The following ZCWPW2 variants were observed in gnomAD, a reference collection of about 807,000 sequenced individuals.
ZCWPW2 encodes zinc finger CW-type and PWWP domain containing 2.
ZCWPW2 carries 45 observed loss-of-function variants against 46.6 expected under a neutral mutation model. That is an observed-to-expected ratio of 0.96 (90% CI 0.76 to 1.24). The LOEUF is 1.24. Among genes scored for constraint, ZCWPW2 ranks in the 50% most tolerant of loss-of-function variants. The pLI is 0.00. For synonymous variants in ZCWPW2, 152 were observed against 137.1 expected (o/e 1.11, Z -0.76); for missense variants, 429 against 403.9 (o/e 1.06, Z -0.53).
At chr3:28,460,574 T>C (rs1385180691) in intron 4 of ZCWPW2, among the ~76,000 whole-genome samples, 1 of 152,192 alleles carries the variant, frequency 6.6e-6, no homozygotes, top group Non-Finnish European at 1.5e-5. Context: ...ACTAAATCTA[T>C]GGATTCTCTG....
chr3:28,488,670 T>C (rs889530388), intron 5 of ZCWPW2, among the ~76,000 whole-genome samples: 3 of 152,172 alleles, frequency 2.0e-5, no homozygotes, highest in African/African-American at 2.4e-5. Context: ...ATTTAGAACA[T>C]TTTCATTTAC....
Position 28,501,788 on chromosome 3 carries a change from G to A in ZCWPW2, c.657+9615G>A, listed in dbSNP as rs543743003. On this transcript the variant is annotated intron_variant, in intron 6 of 9. Coordinates refer to ENST00000383768, the MANE Select transcript of ZCWPW2 (RefSeq NM_001040432.4). Reference sequence around the variant, plus strand: ...TTTCTTTTTTTGAGACAAGGCTGTCGCCCAGGCTGGCATACACTGGCGTGA... The same window carrying A: ...TTTCTTTTTTTGAGACAAGGCTGTCACCCAGGCTGGCATACACTGGCGTGA... Among the ~76,000 whole-genome samples, 7 of 151,962 alleles carry A rather than the reference G, an allele frequency of 4.6e-5. No individual in the cohort carries two copies. In the East Asian group the frequency reaches 1.2e-3, roughly 25 times the overall value.
At chr3:28,370,594 A>T (rs979759571) in intron 1 of ZCWPW2, among the ~76,000 whole-genome samples, 1 of 152,202 alleles carries the variant, frequency 6.6e-6, no homozygotes, top group Admixed American at 6.5e-5. Context: ...GAGAGGTTAT[A>T]AGATATCTAA....
intron 1 of ZCWPW2, among the ~76,000 whole-genome samples, chr3:28,364,937 A>G (rs1256838594): frequency 2.0e-5 from 3 of 151,838 alleles, no homozygotes; most frequent in Admixed American, 6.6e-5. Context: ...GCATTTTTTC[A>G]TGTGTCTTTT....
chr3:28,439,138 A>G (rs1217440816), intron 4 of ZCWPW2, among the ~76,000 whole-genome samples: 1 of 135,960 alleles, frequency 7.4e-6, no homozygotes, highest in Non-Finnish European at 1.6e-5. Flanking sequence ...CACACATCAT[A>G]GGATGTGTAT....
At position 28,435,130 on chromosome 3, in the gene ZCWPW2, C is replaced by T; in HGVS notation, c.353C>T (p.Pro118Leu). ...NWPSWPGILC[P>L]DRFKGKYVTY... ...GAAAGTTGGCCAGGAATACTTTGCC[C>T]TGACCGTTTTAAAGGGAAATATGTA... Residue 118 changes from proline (P) to leucine (L), a missense_variant, in exon 4 of 10, where the codon CCT becomes CTT. Physicochemically the swap from Pro to Leu is moderately conservative, Grantham distance 98. Transcript: ENST00000383768. 1 of 1,611,352 alleles carries T rather than the reference C, an allele frequency of 6.2e-7. No homozygotes were observed.
At chr3:28,361,338 A>G (rs571814540) in intron 1 of ZCWPW2, among the ~76,000 whole-genome samples, 1 of 152,374 alleles carries the variant, frequency 6.6e-6, no homozygotes, top group Admixed American at 6.5e-5. Context: ...CGAAAGAATG[A>G]AATTGGACCT....
At chr3:28,420,062 C>T (rs1417194872) in intron 3 of ZCWPW2, among the ~76,000 whole-genome samples, 1 of 145,610 alleles carries the variant, frequency 6.9e-6, no homozygotes, top group African/African-American at 2.5e-5. Flanking sequence ...TACCCTAATA[C>T]CGAAAGTATA....
At chr3:28,453,503 T>G (rs985082451) in intron 4 of ZCWPW2, among the ~76,000 whole-genome samples, 5 of 152,200 alleles carry the variant, frequency 3.3e-5, no homozygotes, top group African/African-American at 9.7e-5. Context: ...ACAGCAATAT[T>G]CTTTTCTAAG....
rs141367819 is a variant in ZCWPW2 at position 28,390,539 on chromosome 3, C to A, written c.-92C>A. The A allele has an allele frequency of 4.1e-6, 4 of 985,160 alleles. No individual in the cohort carries two copies. Among genetic ancestry groups the A allele is most frequent in the Admixed American group, 1.2e-4 (2 of 16,246 alleles). 61.0% of individuals were successfully genotyped at this position (985,160 alleles called of 1,614,324 possible). ...CGCCTGCCTCTTTAGTGACTACAGA[C>A]CTCACTTCCCTTCTCTGGAGTTTTG... is the stretch of plus-strand genomic sequence containing the variant. On this transcript the variant is annotated 5_prime_UTR_variant, in exon 2 of 10. Coordinates refer to ENST00000383768, the MANE Select transcript of ZCWPW2 (RefSeq NM_001040432.4).
At position 28,492,116 on chromosome 3, in the gene ZCWPW2, T is replaced by C. The variant is rs1699832392; in HGVS notation, c.611-11T>C. On this transcript the variant is annotated splice_polypyrimidine_tract_variant and intron_variant, in intron 5 of 9. Coordinates refer to ENST00000383768, the MANE Select transcript of ZCWPW2 (RefSeq NM_001040432.4). ...ACTTTTTTGAAGCAGCCATGTTTCA[T>C]TGTCTTACAGATAAATCCGAAACAC... is the stretch of plus-strand genomic sequence containing the variant. 1.2e-6 allele frequency: 2 copies of C among 1,608,942 alleles called. No individual in the cohort carries two copies. Among genetic ancestry groups the C allele is most frequent in the Admixed American group, 1.7e-5 (1 of 59,244 alleles).
chr3:28,496,276 T>C (rs1396141726), intron 6 of ZCWPW2, among the ~76,000 whole-genome samples: 1 of 151,992 alleles, frequency 6.6e-6, no homozygotes, highest in Non-Finnish European at 1.5e-5. Context: ...CTTACTAAAT[T>C]AATAGAGATA....
chr3:28,428,437 T>G (rs532072731), intron 3 of ZCWPW2: 1 of 152,294 alleles, frequency 6.6e-6, no homozygotes, highest in East Asian at 1.9e-4. Context: ...ACTGAACATC[T>G]ACTTCATTCT....
At chr3:28,383,630 G>C (rs1304141922) in intron 1 of ZCWPW2, among the ~76,000 whole-genome samples, 1 of 151,952 alleles carries the variant, frequency 6.6e-6, no homozygotes, top group East Asian at 1.9e-4. Context: ...GAGTGGGCTG[G>C]ATTTTGGGTG....
intron 1 of ZCWPW2, among the ~76,000 whole-genome samples, chr3:28,375,384 G>C (rs572439931): frequency 2.0e-4 from 30 of 152,014 alleles, no homozygotes; most frequent in Middle Eastern, 3.4e-3. Flanking sequence ...CTGCCATTTT[G>C]TTGCTTGTTT....
In ZCWPW2 at chr3:28,413,410, G is replaced by A. The variant is rs367885623; in HGVS notation, c.332+10G>A. ...TACAGAATTGGCCAAGGTAAGGTTT[G>A]TGTAGTTTTATGACTTTTGAAATGT... On this transcript the variant is annotated intron_variant, in intron 3 of 9. Coordinates refer to ENST00000383768, the MANE Select transcript of ZCWPW2 (RefSeq NM_001040432.4). 1 of 1,588,508 alleles carries A rather than the reference G, an allele frequency of 6.3e-7. No homozygotes were observed. Among genetic ancestry groups the A allele is most frequent in the Non-Finnish European group, 8.6e-7 (1 of 1,164,568 alleles).
intron 4 of ZCWPW2, among the ~76,000 whole-genome samples, chr3:28,470,913 A>C (rs1270096414): frequency 6.6e-6 from 1 of 152,136 alleles, no homozygotes; most frequent in East Asian, 1.9e-4. Flanking sequence ...ATCAGAGATG[A>C]AAAAGGAGAC....
intron 6 of ZCWPW2, among the ~76,000 whole-genome samples, chr3:28,513,107 C>T (rs1700472926): frequency 6.6e-6 from 1 of 152,138 alleles, no homozygotes; most frequent in African/African-American, 2.4e-5. Context: ...CTTGTAGTGC[C>T]ACAGTTTAGC....
intron 3 of ZCWPW2, among the ~76,000 whole-genome samples, chr3:28,430,024 C>T (rs1490203719): frequency 6.6e-6 from 1 of 152,190 alleles, no homozygotes; most frequent in Non-Finnish European, 1.5e-5. Flanking sequence ...TTGGAGCCCC[C>T]ACACAGAGTC....
Sources: allele counts gnomAD v4.1 joint callset (sites outside exome capture counted in the v4.1 genomes callset), GRCh38; gene constraint gnomAD v4.1.1; transcripts MANE v1.5; gene names NCBI Gene and HGNC (gene_info 2026-07-23, HGNC 2026-07-21).